STK26: variants seen among roughly 807,000 people sequenced by gnomAD.
The protein encoded by STK26 is serine/threonine-protein kinase 26.
STK26 carries 14 observed loss-of-function variants against 34.7 expected under a neutral mutation model. The observed-to-expected ratio is 0.40, with a 90% CI of 0.27 to 0.63. STK26 has a LOEUF of 0.63. Ranked by LOEUF, STK26 falls within the 30% of genes least tolerant of loss-of-function variation. The probability of loss-of-function intolerance (pLI) is 0.38; values close to 1 mark genes in which losing one functional copy is unlikely to be tolerated. For missense variants in STK26, 226 were observed against 309.1 expected, an observed-to-expected ratio of 0.73 and a Z score of 2.02; for synonymous variants, 100 against 109.8, an observed-to-expected ratio of 0.91 and a Z score of 0.56.
At chrX:132,042,824 A>G in intron 2 of STK26, among the ~76,000 whole-genome samples, 1 of 111,479 alleles carries the variant, frequency 9.0e-6, no homozygotes, top group East Asian at 2.8e-4. Context: ...TTTTCTTTTG[A>G]TCATAAAATG....
chrX:132,044,734 T>TAG (rs201585613), intron 2 of STK26, among the ~76,000 whole-genome samples: 1 of 40,198 alleles, frequency 2.5e-5, no homozygotes, highest in Admixed American at 2.0e-4. Context: ...TATATATATA[T>TAG]AGAGAGATCT....
chrX:132,027,383 G>A (rs1465048130), intron 2 of STK26, among the ~76,000 whole-genome samples: 3 of 112,342 alleles, frequency 2.7e-5, no homozygotes, highest in Admixed American at 9.4e-5. Context: ...TTGTGAACAC[G>A]TTTAAGGTAG....
chrX:132,043,831 G>A (rs1926350482), intron 2 of STK26, among the ~76,000 whole-genome samples: 1 of 111,155 alleles, frequency 9.0e-6, no homozygotes, highest in South Asian at 3.8e-4. Flanking sequence ...GCATCCTTGT[G>A]TATGTGGCTG....
At chrX:132,033,398 C>T (rs1018962276) in intron 2 of STK26, among the ~76,000 whole-genome samples, 1 of 112,125 alleles carries the variant, frequency 8.9e-6, no homozygotes, top group Non-Finnish European at 1.9e-5. Flanking sequence ...GAACTTTGAC[C>T]TGTTGTGGTT....
At chrX:132,051,646 G>C (rs1349088737) in intron 2 of STK26, among the ~76,000 whole-genome samples, 3 of 110,994 alleles carry the variant, frequency 2.7e-5, no homozygotes, top group African/African-American at 9.9e-5. Flanking sequence ...CGTGCACAAC[G>C]TGCAGGTTTG....
At chrX:132,058,843 G>A (rs746341164) in intron 3 of STK26, among the ~76,000 whole-genome samples, 3 of 110,751 alleles carry the variant, frequency 2.7e-5, no homozygotes, top group South Asian at 3.9e-4. Context: ...TGATAAAATT[G>A]TAGAAATGTG....
intron 2 of STK26, among the ~76,000 whole-genome samples, chrX:132,044,153 A>G (rs757170953): frequency 2.7e-5 from 3 of 111,568 alleles, no homozygotes; most frequent in Non-Finnish European, 3.8e-5. Context: ...TCCAACGGCC[A>G]TGGTGTGTAA....
intron 2 of STK26, among the ~76,000 whole-genome samples, chrX:132,039,891 C>T (rs1476592882): frequency 9.0e-6 from 1 of 111,317 alleles, no homozygotes; most frequent in Non-Finnish European, 1.9e-5. Flanking sequence ...ACCAGAATTC[C>T]TCATCTGAAC....
At chrX:132,038,345 G>A (rs1225942882) in intron 2 of STK26, among the ~76,000 whole-genome samples, 1 of 111,737 alleles carries the variant, frequency 8.9e-6, no homozygotes, top group East Asian at 2.8e-4. Flanking sequence ...TTGCGTGTGA[G>A]TTTTGTGATA....
chrX:132,054,976 G>T (rs1926807468), intron 3 of STK26, 115 bp downstream of exon 3: 2 of 639,651 alleles, frequency 3.1e-6, no homozygotes, highest in Non-Finnish European at 4.7e-6. Context: ...ATGGCTTCCA[G>T]GCAGAATCCA....
At chrX:132,069,444 T>TATATAC (rs1256001487) in intron 6 of STK26, 34 bp from the exon 7 acceptor site, 5 of 186,771 alleles carry the variant, frequency 2.7e-5, no homozygotes, top group Admixed American at 9.6e-5. Flanking sequence ...TATATATATA[T>TATATAC]ATATATATTA....
intron 4 of STK26, 86 bp from the exon 5 acceptor site, chrX:132,068,126 TTTC>T: frequency 2.9e-6 from 2 of 688,210 alleles, no homozygotes; most frequent in Non-Finnish European, 4.3e-6. Context: ...GTCTAAGTGA[TTTC>T]TTCATTTCAA....
chrX:132,047,720 A>G (rs1359241110), intron 2 of STK26, among the ~76,000 whole-genome samples: 4 of 112,116 alleles, frequency 3.6e-5, no homozygotes, highest in Middle Eastern at 4.6e-3. Flanking sequence ...AAATTGTAAT[A>G]TGAAATATTT....
chrX:132,073,703 C>A (rs1036762816), intron 11 of STK26, among the ~76,000 whole-genome samples: 9 of 112,096 alleles, frequency 8.0e-5, no homozygotes, highest in African/African-American at 2.3e-4. Context: ...TTAGCTCAAG[C>A]AAGCTATAAG....
intron 3 of STK26, among the ~76,000 whole-genome samples, chrX:132,060,189 A>G (rs1317912587): frequency 8.9e-6 from 1 of 112,025 alleles, no homozygotes; most frequent in Non-Finnish European, 1.9e-5. Flanking sequence ...CTCTGGTTTC[A>G]TCCTCTCTGC....
In STK26 at chrX:132,062,626, C is replaced by T. The variant is rs1927092974; in HGVS notation, c.274-807C>T. Among the ~76,000 whole-genome samples the T allele has an allele frequency of 2.7e-5, 3 of 112,245 alleles. No homozygotes were observed. The South Asian group carries it at 1.1e-3, about 41-fold the overall frequency. Reference sequence around the variant, plus strand: ...TGAAGTACATCAAAACAAATGAAAGCCAACAACTGAAATAAGGCAAAATAT... The same window carrying T: ...TGAAGTACATCAAAACAAATGAAAGTCAACAACTGAAATAAGGCAAAATAT... On this transcript the variant is annotated intron_variant, in intron 3 of 11. Transcript: ENST00000394334.
At chrX:132,062,325 G>A (rs1927079747) in intron 3 of STK26, among the ~76,000 whole-genome samples, 1 of 112,084 alleles carries the variant, frequency 8.9e-6, no homozygotes, top group Non-Finnish European at 1.9e-5. Context: ...AAAATAAAAA[G>A]GGTTTAATGG....
intron 2 of STK26, among the ~76,000 whole-genome samples, chrX:132,028,177 T>TGATTG (rs1170156441): frequency 3.6e-5 from 4 of 109,729 alleles, no homozygotes; most frequent in Non-Finnish European, 7.6e-5. Flanking sequence ...AGAGGCTATT[T>TGATTG]CAATGGGTCA....
chrX:132,033,095 A>C (rs1925901781), intron 2 of STK26, among the ~76,000 whole-genome samples: 1 of 111,404 alleles, frequency 9.0e-6, no homozygotes, highest in South Asian at 3.8e-4. Context: ...CTATAGTATA[A>C]ATAACAGAGC....
Sources: gnomAD v4.1 joint callset for allele counts (sites outside exome capture counted in the v4.1 genomes callset) on GRCh38, gnomAD v4.1.1 for gene constraint, MANE v1.5 for transcripts, NCBI Gene and HGNC (gene_info 2026-07-23, HGNC 2026-07-21) for gene names.